Variants in SLC24A1 observed in about 807,000 individuals in gnomAD.
The protein encoded by SLC24A1 is solute carrier family 24 member 1, also known as sodium/potassium/calcium exchanger 1.
In SLC24A1, 52 loss-of-function variants were observed where a neutral mutation model predicts 88.1. The observed-to-expected ratio is 0.59, with a 90% CI of 0.47 to 0.74. The LOEUF (loss-of-function observed/expected upper bound fraction) is 0.74. Among genes scored for constraint, SLC24A1 ranks in the 30% least tolerant of loss-of-function variants. The pLI is 0.00. For missense variants in SLC24A1, 1,173 were observed against 1,363.3 expected, an observed-to-expected ratio of 0.86 and a Z score of 2.20; for synonymous variants, 455 against 498.0, an observed-to-expected ratio of 0.91 and a Z score of 1.15.
chr15:65,652,844 T>C, intron 9 of SLC24A1, 36 bp downstream of exon 9: 1 of 1,536,398 alleles, frequency 6.5e-7, no homozygotes. Flanking sequence ...GGGTGTTAAG[T>C]ATGACTGGAA....
chr15:65,648,552 G>A (rs2075388168), intron 6 of SLC24A1, among the ~76,000 whole-genome samples: 1 of 151,602 alleles, frequency 6.6e-6, no homozygotes, highest in African/African-American at 2.4e-5. Flanking sequence ...CACGATCTCA[G>A]CTCACTGCAA....
chr15:65,651,654 T>C lies in SLC24A1; in HGVS notation c.2794-16T>C, dbSNP rs137968968. 3.2e-5 allele frequency: 46 copies of C among 1,431,508 alleles called. No individual in the cohort carries two copies. The East Asian group carries it at 9.6e-4, about 30-fold the overall frequency. The allele number at this position is 1,431,508 out of a possible 1,614,324, so 88.7% of individuals were successfully genotyped here. On this transcript the variant is annotated splice_polypyrimidine_tract_variant and intron_variant, in intron 7 of 9. Coordinates refer to ENST00000261892, the MANE Select transcript of SLC24A1 (RefSeq NM_004727.3). ...CTCTACAGCTTACTTCTTGTCCTTT[T>C]CAAACTTTCAAACAGGAGTCTAGGA...
upstream of SLC24A1, among the ~76,000 whole-genome samples, chr15:65,618,155 A>G (rs950717594): frequency 1.3e-5 from 2 of 152,150 alleles, no homozygotes; most frequent in African/African-American, 4.8e-5. Flanking sequence ...TGTTTATTCT[A>G]TATCTATTGG....
chr15:65,620,418 A>G (rs190196033), upstream of SLC24A1, among the ~76,000 whole-genome samples: 1 of 152,322 alleles, frequency 6.6e-6, no homozygotes, highest in African/African-American at 2.4e-5. Flanking sequence ...TCCCCACAAC[A>G]ACCCTATCAA....
chr15:65,643,231 C>T (rs1566959979), intron 4 of SLC24A1, among the ~76,000 whole-genome samples: 1 of 152,164 alleles, frequency 6.6e-6, no homozygotes, highest in Non-Finnish European at 1.5e-5. Flanking sequence ...ACAGCTATAG[C>T]GCAAGTGGCA....
At chr15:65,640,938 G>A (rs2141616200) in intron 4 of SLC24A1, among the ~76,000 whole-genome samples, 1 of 152,286 alleles carries the variant, frequency 6.6e-6, no homozygotes, top group East Asian at 1.9e-4. Context: ...GCAGGCGCCT[G>A]TAATCCCAGC....
chr15:65,612,450 G>C (rs532135902), intron 1 of SLC24A1: 23 of 152,470 alleles, frequency 1.5e-4, no homozygotes, highest in African/African-American at 5.5e-4. Flanking sequence ...GGGAGATTGT[G>C]GGGCCAGTTG....
downstream of SLC24A1, chr15:65,656,392 T>C: frequency 3.5e-6 from 1 of 283,342 alleles, no homozygotes. Flanking sequence ...TGAGTAGGAA[T>C]TCACTGGGGG....
At chr15:65,657,769 A>G (rs1233099605), downstream of SLC24A1, among the ~76,000 whole-genome samples, 1 of 152,144 alleles carries the variant, frequency 6.6e-6, no homozygotes, top group African/African-American at 2.4e-5. Flanking sequence ...GTGTACGGGG[A>G]CTGGATGCTA....
intron 2 of SLC24A1, among the ~76,000 whole-genome samples, chr15:65,616,352 A>G (rs1267874594): frequency 6.6e-6 from 1 of 152,190 alleles, no homozygotes; most frequent in African/African-American, 2.4e-5. Context: ...CCAACAGTGT[A>G]AAAGCATTCC....
chr15:65,651,892 C>A (rs1486426187), intron 8 of SLC24A1, 133 bp downstream of exon 8: 1 of 686,838 alleles, frequency 1.5e-6, no homozygotes, highest in Non-Finnish European at 2.7e-6. Flanking sequence ...TTTGTAAAGG[C>A]TTAAAAGTAG....
rs1411722440 is a variant in SLC24A1, at chr15:65,624,536, T to C, written c.456T>C (p.Thr152=). The C allele has an allele frequency of 5.0e-6, 8 of 1,602,012 alleles. No homozygotes were observed. The highest frequency in any genetic ancestry group is 6.0e-6 in the Non-Finnish European group (7 of 1,174,048). Reference sequence around the variant, plus strand: ...CCCCAACATCCAGTAGAACACTGACTTACTACACCTCAACTTCAAGCAGAC... The same window carrying C: ...CCCCAACATCCAGTAGAACACTGACCTACTACACCTCAACTTCAAGCAGAC... ...EDTPTSSRTL[T]YYTSTSSRQI... The change falls in exon 2 of 10, where the codon ACT becomes ACC. Residue 152 remains threonine, a synonymous_variant. Coordinates refer to ENST00000261892, the MANE Select transcript of SLC24A1 (RefSeq NM_004727.3).
In SLC24A1 at chr15:65,624,356, AC is replaced by A. The variant is rs754355148; in HGVS notation, c.280del (p.Gln94LysfsTer11). 1 of 1,613,680 alleles carries A rather than the reference AC, an allele frequency of 6.2e-7. No homozygotes were observed. Among genetic ancestry groups the A allele is most frequent in the Non-Finnish European group, 8.5e-7 (1 of 1,179,768 alleles). Reference sequence around the variant, plus strand: ...CCGAAATGGGGGGTAAGATGCTGGTACCCCAAGCCTCAGTGGGCAGTGATGA... The same window carrying A: ...CCGAAATGGGGGGTAAGATGCTGGTACCCAAGCCTCAGTGGGCAGTGATGA... ...SSEMGGKMLV[P>X]QASVGSDEAT... On this transcript the variant is annotated frameshift_variant, in exon 2 of 10. Coordinates refer to ENST00000261892, the MANE Select transcript of SLC24A1 (RefSeq NM_004727.3). LOFTEE classifies it high-confidence loss of function.
At chr15:65,660,240 G>A, downstream of SLC24A1, 1 of 1,503,744 alleles carries the variant, frequency 6.7e-7, no homozygotes, top group Non-Finnish European at 8.9e-7. Context: ...CAAACTAACT[G>A]AAGTTTTACA....
Position 65,625,407 on chromosome 15 carries a change from G to A in SLC24A1, c.1327G>A (p.Asp443Asn). 1 of 1,614,056 alleles carries A rather than the reference G, an allele frequency of 6.2e-7. No homozygotes were observed. Residue 443 changes from aspartate to asparagine, a missense_variant, in exon 2 of 10, where the codon GAT becomes AAT. Asp to Asn is a conservative substitution (Grantham distance 23). Coordinates refer to ENST00000261892, the MANE Select transcript of SLC24A1 (RefSeq NM_004727.3). ...DLHPKGEYPP[D>N]LFSVEERRQG... ...CCACCCCAAGGGAGAGTACCCCCCA[G>A]ATCTGTTCAGTGTGGAGGAGCGGCG...
intron 2 of SLC24A1, among the ~76,000 whole-genome samples, chr15:65,616,749 T>C (rs1256045383): frequency 6.6e-6 from 1 of 152,252 alleles, no homozygotes; most frequent in African/African-American, 2.4e-5. Context: ...ATTTGTCTAT[T>C]TTGGCTTTTG....
At position 65,654,445 on chromosome 15, in the gene SLC24A1, T is replaced by G. The variant is rs2075609246; in HGVS notation, c.*366T>G. The G allele has an allele frequency of 8.6e-7, 1 of 1,165,564 alleles. No individual in the cohort carries two copies. Among genetic ancestry groups the G allele is most frequent in the African/African-American group, 1.6e-5 (1 of 61,236 alleles). The allele number at this position is 1,165,564 out of a possible 1,614,324, so 72.2% of individuals were successfully genotyped here. A position where few individuals can be genotyped will look rare whatever the true frequency, so the allele number is the denominator to read the frequency against. On this transcript the variant is annotated 3_prime_UTR_variant, in exon 10 of 10. Coordinates refer to ENST00000261892, the MANE Select transcript of SLC24A1 (RefSeq NM_004727.3). ...AGCTCCTACGCTCACTGTTCCCTGA[T>G]CATTCCAAAGGCTGCTGGCCCAAAA...
chr15:65,653,716 C>A, intron 9 of SLC24A1, 114 bp from the exon 10 acceptor site: 1 of 1,076,638 alleles, frequency 9.3e-7, no homozygotes, highest in Non-Finnish European at 1.4e-6. Flanking sequence ...TTTCTGTTCA[C>A]TTCATAGATA....
chr15:65,657,378 A>G (rs940754385), downstream of SLC24A1, among the ~76,000 whole-genome samples: 2 of 151,906 alleles, frequency 1.3e-5, no homozygotes, highest in Non-Finnish European at 2.9e-5. Context: ...GCGGTGGCTC[A>G]TGCCTATAAT....
Sources: gnomAD v4.1 joint callset for allele counts (sites outside exome capture counted in the v4.1 genomes callset) on GRCh38, gnomAD v4.1.1 for gene constraint, MANE v1.5 for transcripts, NCBI Gene and HGNC (gene_info 2026-07-23, HGNC 2026-07-21) for gene names.